TP63: variants seen among roughly 807,000 people sequenced by gnomAD.
TP63 encodes tumor protein 63.
TP63 carries 17 observed loss-of-function variants against 82.8 expected under a neutral mutation model. That is an observed-to-expected ratio of 0.21 (90% CI 0.14 to 0.31). The LOEUF is 0.31. Ranked by LOEUF, TP63 falls within the 10% of genes least tolerant of loss-of-function variation. TP63 has a pLI of 1.00. For synonymous variants in TP63, 330 were observed against 321.7 expected, an observed-to-expected ratio of 1.03 and a Z score of -0.28; for missense variants, 648 against 895.3, an observed-to-expected ratio of 0.72 and a Z score of 3.52.
At chr3:189,837,792 AT>A (rs138345891) in intron 4 of TP63, among the ~76,000 whole-genome samples, 74 of 148,006 alleles carry the variant, frequency 5.0e-4, no homozygotes, top group Middle Eastern at 7.0e-3. Flanking sequence ...TAATTTATGT[AT>A]TTTTTTTTTC....
chr3:189,748,824 A>G (rs992006430), intron 3 of TP63, among the ~76,000 whole-genome samples: 1 of 152,172 alleles, frequency 6.6e-6, no homozygotes, highest in African/African-American at 2.4e-5. Flanking sequence ...TGATATTGGT[A>G]TAAAAACAGA....
the TP63 span, among the ~76,000 whole-genome samples, chr3:189,616,772 C>T: frequency 1.3e-5 from 2 of 152,202 alleles, no homozygotes; most frequent in African/African-American, 2.4e-5. Context: ...GTCAAGTTTT[C>T]ATTGCTTCCA....
chr3:189,683,632 G>C (rs1216929836), intron 1 of TP63, among the ~76,000 whole-genome samples: 1 of 152,134 alleles, frequency 6.6e-6, no homozygotes, highest in Non-Finnish European at 1.5e-5. Context: ...ATCATATTTA[G>C]CATATTGAAT....
chr3:189,627,435 A>G (rs1013529682), upstream of TP63, among the ~76,000 whole-genome samples: 9 of 152,208 alleles, frequency 5.9e-5, no homozygotes, highest in African/African-American at 1.9e-4. Context: ...ATCCAGACAC[A>G]GAAGAATACG....
At chr3:189,774,977 G>A (rs997502827) in intron 3 of TP63, among the ~76,000 whole-genome samples, 10 of 152,128 alleles carry the variant, frequency 6.6e-5, no homozygotes, top group African/African-American at 1.9e-4. Flanking sequence ...CAGCACTTTG[G>A]GAGGCAGAGG....
chr3:189,692,562 T>A (rs4274726), intron 1 of TP63, among the ~76,000 whole-genome samples: 114,153 of 151,464 alleles, frequency 0.75, 43,934 homozygotes, highest in East Asian at 0.92. Flanking sequence ...TAGCTTTTCC[T>A]CATTCCACAA....
chr3:189,686,067 A>C (rs530679305), intron 1 of TP63, among the ~76,000 whole-genome samples: 10 of 152,284 alleles, frequency 6.6e-5, no homozygotes, highest in Middle Eastern at 3.4e-3. Flanking sequence ...AGTTTGGCTC[A>C]AAGTTCTCCA....
chr3:189,673,536 A>G (rs546072464), intron 1 of TP63, among the ~76,000 whole-genome samples: 2 of 152,172 alleles, frequency 1.3e-5, no homozygotes, highest in Non-Finnish European at 2.9e-5. Context: ...AAATACAAAC[A>G]AATGAATTTT....
At chr3:189,875,251 C>T (rs1718907037) in intron 10 of TP63, among the ~76,000 whole-genome samples, 1 of 151,736 alleles carries the variant, frequency 6.6e-6, no homozygotes, top group South Asian at 2.1e-4. Context: ...ATATTATTCT[C>T]CTTTTGATTG....
At chr3:189,873,295 A>G in intron 10 of TP63, 1 of 453,094 alleles carries the variant, frequency 2.2e-6, no homozygotes, top group Non-Finnish European at 4.1e-6. Context: ...ACACACTAAC[A>G]GTAAGTACAC....
chr3:189,787,285 C>A (rs995373254), intron 3 of TP63, among the ~76,000 whole-genome samples: 3 of 152,064 alleles, frequency 2.0e-5, no homozygotes, highest in Non-Finnish European at 4.4e-5. Context: ...TAAATCACTT[C>A]TCTGATTCTG....
intron 1 of TP63, among the ~76,000 whole-genome samples, chr3:189,673,407 A>T (rs1350867749): frequency 6.6e-6 from 1 of 152,172 alleles, no homozygotes; most frequent in Non-Finnish European, 1.5e-5. Context: ...ATAAACCTAA[A>T]TAAATAAACA....
intron 1 of TP63, among the ~76,000 whole-genome samples, chr3:189,632,017 T>C (rs899654310): frequency 1.3e-5 from 2 of 152,014 alleles, no homozygotes; most frequent in African/African-American, 4.8e-5. Context: ...TGGCTTGTCA[T>C]TGCATTTTAT....
chr3:189,635,083 A>C (rs556894265), intron 1 of TP63, among the ~76,000 whole-genome samples: 1 of 152,272 alleles, frequency 6.6e-6, no homozygotes, highest in South Asian at 2.1e-4. Flanking sequence ...AGGGCTAAGA[A>C]TTAGAGAAAA....
intron 4 of TP63, among the ~76,000 whole-genome samples, chr3:189,835,244 A>G (rs540182188): frequency 5.1e-4 from 78 of 152,084 alleles, no homozygotes; most frequent in Non-Finnish European, 8.5e-4. Context: ...ATAGATGAAT[A>G]GTTATATTTT....
intron 1 of TP63, among the ~76,000 whole-genome samples, chr3:189,690,401 G>T (rs1716825122): frequency 6.6e-6 from 1 of 152,152 alleles, no homozygotes; most frequent in Non-Finnish European, 1.5e-5. Context: ...CCCAACTCAG[G>T]ACGTCTATTT....
At chr3:189,608,432 C>T in the TP63 span, among the ~76,000 whole-genome samples, 1 of 152,080 alleles carries the variant, frequency 6.6e-6, no homozygotes, top group African/African-American at 2.4e-5. Flanking sequence ...ACATGATAAA[C>T]TGGGATTTCT....
At chr3:189,883,354 C>T (rs960836407) in intron 10 of TP63, among the ~76,000 whole-genome samples, 3 of 152,146 alleles carry the variant, frequency 2.0e-5, no homozygotes, top group African/African-American at 2.4e-5. Flanking sequence ...TTAAAACTCA[C>T]TTTCATATTA....
At chr3:189,766,483 GTGAATAC>G (rs1722970242) in intron 3 of TP63, among the ~76,000 whole-genome samples, 1 of 152,048 alleles carries the variant, frequency 6.6e-6, no homozygotes, top group South Asian at 2.1e-4. Flanking sequence ...AGTCATAAAT[GTGAATAC>G]TGTCTGGAGT....
Sources: gnomAD v4.1 joint callset for allele counts (sites outside exome capture counted in the v4.1 genomes callset) on GRCh38, gnomAD v4.1.1 for gene constraint, MANE v1.5 for transcripts, NCBI Gene and HGNC (gene_info 2026-07-23, HGNC 2026-07-21) for gene names.